Variants in EPHA3 observed in about 807,000 individuals in gnomAD.
EPHA3 encodes ephrin type-A receptor 3.
EPHA3 carries 42 observed loss-of-function variants against 107.1 expected under a neutral mutation model. That is an observed-to-expected ratio of 0.39 (90% CI 0.31 to 0.51). The LOEUF is 0.51. Among genes scored for constraint, EPHA3 ranks in the 20% least tolerant of loss-of-function variants. The pLI, the probability that EPHA3 is intolerant of heterozygous loss-of-function variation, is 0.78. For synonymous variants in EPHA3, 461 were observed against 424.8 expected (o/e 1.09, Z -1.05); for missense variants, 1,183 against 1,211.2 (o/e 0.98, Z 0.35).
chr3:89,313,305 T>A (rs971447683), intron 3 of EPHA3, among the ~76,000 whole-genome samples: 1 of 151,968 alleles, frequency 6.6e-6, no homozygotes, highest in Non-Finnish European at 1.5e-5. Context: ...TTCTGCTATA[T>A]GTTTGAAAAG....
rs1446932482 is a variant in EPHA3, at chr3:89,303,455, AAAG to A, written c.815-37456_815-37454del. Among the ~76,000 whole-genome samples, 6 of 150,830 alleles carry A rather than the reference AAAG, an allele frequency of 4.0e-5. No homozygotes were observed. In the East Asian group the frequency reaches 5.8e-4, roughly 15 times the overall value. Reference sequence around the variant, plus strand: ...ATATCTATAAAAAGGCAAAAAAAAAAAAGAAGAGGAAGAAAATAAAGGAGGAAG... The same window carrying A: ...ATATCTATAAAAAGGCAAAAAAAAAAAAGAGGAAGAAAATAAAGGAGGAAG... On this transcript the variant is annotated intron_variant, in intron 3 of 16. Coordinates refer to ENST00000336596, the MANE Select transcript of EPHA3 (RefSeq NM_005233.6).
At chr3:89,160,508 G>A (rs1270344827) in intron 2 of EPHA3, among the ~76,000 whole-genome samples, 2 of 149,604 alleles carry the variant, frequency 1.3e-5, no homozygotes, top group South Asian at 2.1e-4. Context: ...AGTAAATAAA[G>A]CTTTATATTC....
At chr3:89,303,342 C>T (rs1706535041) in intron 3 of EPHA3, among the ~76,000 whole-genome samples, 2 of 150,900 alleles carry the variant, frequency 1.3e-5, no homozygotes, top group Admixed American at 1.3e-4. Context: ...TCTTCAAAAG[C>T]TTCTATCCCA....
At chr3:89,393,125 G>A (rs924850213) in intron 5 of EPHA3, among the ~76,000 whole-genome samples, 6 of 152,138 alleles carry the variant, frequency 3.9e-5, no homozygotes, top group African/African-American at 1.2e-4. Flanking sequence ...CACAAGGGGC[G>A]TGTATTAAAA....
chr3:89,252,681 G>A (rs1705192116), intron 3 of EPHA3, among the ~76,000 whole-genome samples: 1 of 151,990 alleles, frequency 6.6e-6, no homozygotes, highest in South Asian at 2.1e-4. Context: ...AGTTCACTGT[G>A]ATTATGCCAC....
chr3:89,328,478 A>C (rs960573914), intron 3 of EPHA3, among the ~76,000 whole-genome samples: 1 of 152,178 alleles, frequency 6.6e-6, no homozygotes, highest in African/African-American at 2.4e-5. Flanking sequence ...TAAGGTAATC[A>C]ATTTCCCTGT....
intron 3 of EPHA3, among the ~76,000 whole-genome samples, chr3:89,258,231 G>A (rs1292637548): frequency 6.6e-6 from 1 of 152,182 alleles, no homozygotes; most frequent in African/African-American, 2.4e-5. Flanking sequence ...AAAACAGGGG[G>A]CCATGGGGGA....
chr3:89,404,212 T>C (rs1276867705), intron 7 of EPHA3, among the ~76,000 whole-genome samples: 1 of 152,082 alleles, frequency 6.6e-6, no homozygotes, highest in Non-Finnish European at 1.5e-5. Flanking sequence ...ATGGAGAAAT[T>C]TCTATATAAA....
chr3:89,185,825 C>A (rs1200931150), intron 2 of EPHA3, among the ~76,000 whole-genome samples: 2 of 152,018 alleles, frequency 1.3e-5, no homozygotes, highest in Admixed American at 1.3e-4. Flanking sequence ...TTTTTAGGGA[C>A]AAGCAACAGG....
intron 13 of EPHA3, among the ~76,000 whole-genome samples, chr3:89,437,234 T>C (rs750760570): frequency 2.0e-5 from 3 of 152,148 alleles, no homozygotes; most frequent in Non-Finnish European, 4.4e-5. Context: ...CGTTATTCAC[T>C]GATATAAATC....
At chr3:89,423,738 C>T (rs1709398562) in intron 11 of EPHA3, among the ~76,000 whole-genome samples, 1 of 151,454 alleles carries the variant, frequency 6.6e-6, no homozygotes, top group Non-Finnish European at 1.5e-5. Context: ...ACTTCTTCAT[C>T]ACTGTCCACT....
intron 3 of EPHA3, among the ~76,000 whole-genome samples, chr3:89,230,110 A>G (rs916554743): frequency 6.6e-6 from 1 of 152,076 alleles, no homozygotes; most frequent in Non-Finnish European, 1.5e-5. Flanking sequence ...ATCACTTTAT[A>G]TTACCAGTGA....
intron 5 of EPHA3, among the ~76,000 whole-genome samples, chr3:89,376,756 T>C (rs1333207384): frequency 7.2e-5 from 11 of 152,102 alleles, no homozygotes; most frequent in Non-Finnish European, 1.3e-4. Flanking sequence ...GCAGCCACTC[T>C]TGGGATAGTT....
At chr3:89,193,375 T>A (rs1196699773) in intron 2 of EPHA3, among the ~76,000 whole-genome samples, 1 of 152,014 alleles carries the variant, frequency 6.6e-6, no homozygotes, top group Non-Finnish European at 1.5e-5. Context: ...GGAACAATTG[T>A]TACAATTTGA....
chr3:89,221,364 A>T (rs1466649513), intron 3 of EPHA3, among the ~76,000 whole-genome samples: 1 of 152,178 alleles, frequency 6.6e-6, no homozygotes, highest in Non-Finnish European at 1.5e-5. Context: ...TGGTCATCGT[A>T]TCTTGTTTGC....
intron 3 of EPHA3, among the ~76,000 whole-genome samples, chr3:89,314,804 GA>G (rs1254865669): frequency 4.0e-5 from 6 of 151,828 alleles, no homozygotes; most frequent in Non-Finnish European, 5.9e-5. Context: ...GAAATTATTT[GA>G]AAAAAATATA....
chr3:89,214,499 C>T (rs1704179439), intron 3 of EPHA3, among the ~76,000 whole-genome samples: 1 of 151,916 alleles, frequency 6.6e-6, no homozygotes, highest in Non-Finnish European at 1.5e-5. Context: ...AGAGATAAAA[C>T]ATGTATTTAA....
At position 89,481,938 on chromosome 3, in the gene EPHA3, G is replaced by A. The variant is rs915210696; in HGVS notation, c.*2436G>A. 4.4e-6 allele frequency: 1 copy of A among 226,458 alleles called. No homozygotes were observed. The highest frequency in any genetic ancestry group is 8.8e-6 in the Non-Finnish European group (1 of 113,612). 14.0% of individuals were successfully genotyped at this position (226,458 alleles called of 1,614,324 possible). On this transcript the variant is annotated 3_prime_UTR_variant, in exon 17 of 17. Transcript: ENST00000336596. ...TCTGGTAACTCACTCAGTTTATGCT[G>A]TGCTAAATATCAATCAAGCCATGTA...
chr3:89,380,405 C>A (rs1708478463), intron 5 of EPHA3, among the ~76,000 whole-genome samples: 1 of 152,134 alleles, frequency 6.6e-6, no homozygotes, highest in Non-Finnish European at 1.5e-5. Flanking sequence ...TCAAATTTGG[C>A]TCCTCAATTA....
Sources: allele counts gnomAD v4.1 joint callset (sites outside exome capture counted in the v4.1 genomes callset), GRCh38; gene constraint gnomAD v4.1.1; transcripts MANE v1.5; gene names NCBI Gene and HGNC (gene_info 2026-07-23, HGNC 2026-07-21).